The following SIPA1L2 variants were observed in gnomAD, a reference collection of about 807,000 sequenced individuals.
SIPA1L2 encodes signal-induced proliferation-associated 1-like protein 2.
Under a neutral mutation model 163.9 loss-of-function variants are expected in SIPA1L2, and 56 were observed. The observed-to-expected ratio is 0.34, with a 90% CI of 0.28 to 0.43. SIPA1L2 has a LOEUF of 0.43. Among genes scored for constraint, SIPA1L2 ranks in the 20% least tolerant of loss-of-function variants. The pLI is 1.00. For synonymous variants in SIPA1L2, 877 were observed against 865.7 expected (o/e 1.01, Z -0.23); for missense variants, 1,974 against 2,193.5 (o/e 0.90, Z 2.00).
chr1:232,536,695 C>T (rs1339266469), intron 2 of SIPA1L2, among the ~76,000 whole-genome samples: 1 of 152,098 alleles, frequency 6.6e-6, no homozygotes, highest in African/African-American at 2.4e-5. Flanking sequence ...GTCTAATAAG[C>T]TCCTTCTTTT....
rs1258248216 is a variant in SIPA1L2, at chr1:232,465,939, G to T, written c.2244-523C>A. Among the ~76,000 whole-genome samples the T allele has an allele frequency of 2.0e-5, 3 of 151,754 alleles. No homozygotes were observed. The highest frequency in any genetic ancestry group is 6.6e-5 in the Admixed American group (1 of 15,238). Reference sequence around the variant, plus strand: ...GGCCATCCATAAGCCAAGGGGAGAGGTCTCAGGAGAAACCAATCCTTGCTG... The same window carrying T: ...GGCCATCCATAAGCCAAGGGGAGAGTTCTCAGGAGAAACCAATCCTTGCTG... On this transcript the variant is annotated intron_variant, in intron 8 of 22. Coordinates refer to ENST00000674635, the MANE Select transcript of SIPA1L2 (RefSeq NM_020808.5). The surrounding 1 kb of genome is among the most constrained non-coding windows in gnomAD (Gnocchi z 4.1).
In SIPA1L2 at chr1:232,461,056, G is replaced by T. The variant is rs200779579; in HGVS notation, c.2926C>A (p.Pro976Thr). 6.2e-7 allele frequency: 1 copy of T among 1,614,282 alleles called. No individual in the cohort carries two copies. The highest frequency in any genetic ancestry group is 1.7e-5 in the Admixed American group (1 of 60,036). Reference protein sequence around the residue: ...NFEGIVADVEPFGFAWKAGLR... With the variant: ...NFEGIVADVETFGFAWKAGLR... ...CCAGCCTTCCAGGCAAAGCCAAAAG[G>T]TTCCACATCTGCGACAATTCCTTCA... Residue 976 changes from proline to threonine, a missense_variant, in exon 10 of 23, where the codon CCT becomes ACT. Coordinates refer to ENST00000674635, the MANE Select transcript of SIPA1L2 (RefSeq NM_020808.5).
intron 3 of SIPA1L2, among the ~76,000 whole-genome samples, chr1:232,512,481 C>G (rs1287701184): frequency 6.6e-6 from 1 of 152,106 alleles, no homozygotes; most frequent in Non-Finnish European, 1.5e-5. Flanking sequence ...CAATGCCCAT[C>G]AATGATAGAC....
chr1:232,469,938 T>TACC (rs949102552), intron 8 of SIPA1L2, among the ~76,000 whole-genome samples: 26 of 152,122 alleles, frequency 1.7e-4, no homozygotes, highest in Middle Eastern at 6.8e-3. Context: ...GCTAATGAAT[T>TACC]ACCTCATGAT....
At chr1:232,412,627 C>T (rs1398216398) in intron 19 of SIPA1L2, among the ~76,000 whole-genome samples, 1 of 152,102 alleles carries the variant, frequency 6.6e-6, no homozygotes, top group Non-Finnish European at 1.5e-5. Context: ...ATGCAACTCA[C>T]GAGACAGGGG....
At chr1:232,528,397 G>A (rs1341796167) in intron 2 of SIPA1L2, among the ~76,000 whole-genome samples, 2 of 151,932 alleles carry the variant, frequency 1.3e-5, no homozygotes, top group South Asian at 2.1e-4. Flanking sequence ...TTCTACTGTC[G>A]CAGGTTCTCA....
At chr1:232,550,135 T>A (rs1406807708) in intron 2 of SIPA1L2, among the ~76,000 whole-genome samples, 2 of 152,356 alleles carry the variant, frequency 1.3e-5, no homozygotes, top group Non-Finnish European at 2.9e-5. Context: ...GAAATACTTA[T>A]TAACAATGCT....
chr1:232,420,834 C>CAA (rs142144068), intron 18 of SIPA1L2, among the ~76,000 whole-genome samples: 3 of 150,860 alleles, frequency 2.0e-5, no homozygotes, highest in African/African-American at 7.3e-5. Context: ...GACTCCGTCT[C>CAA]AAAAAAAAAG....
At chr1:232,478,974 C>A (rs1665181741) in intron 7 of SIPA1L2, among the ~76,000 whole-genome samples, 1 of 152,172 alleles carries the variant, frequency 6.6e-6, no homozygotes. Context: ...GTAGACAAAG[C>A]ATTTCAACTA....
intron 15 of SIPA1L2, among the ~76,000 whole-genome samples, chr1:232,433,832 C>T (rs1662393574): frequency 6.6e-6 from 1 of 152,206 alleles, no homozygotes; most frequent in Admixed American, 6.5e-5. Flanking sequence ...CACGTGAGTG[C>T]AATGCGAGGA....
intron 1 of SIPA1L2, among the ~76,000 whole-genome samples, chr1:232,620,897 T>C (rs1363258400): frequency 6.6e-6 from 1 of 152,250 alleles, no homozygotes; most frequent in East Asian, 1.9e-4. Flanking sequence ...TTATTTTCTT[T>C]GTTGTAAGCA....
rs1342646675 is a variant in SIPA1L2, at chr1:232,554,600, C to T, written c.-270+19574G>A. Among the ~76,000 whole-genome samples the T allele has an allele frequency of 2.6e-5, 4 of 152,264 alleles. No homozygotes were observed. In the East Asian group the frequency reaches 5.8e-4, roughly 22 times the overall value. ...ACTGGTGTCACGAAGAATGAAACGA[C>T]GACTTATTTTAACTAGAGAGCAATA... On this transcript the variant is annotated intron_variant, in intron 2 of 22. Coordinates refer to ENST00000674635, the MANE Select transcript of SIPA1L2 (RefSeq NM_020808.5).
rs116585138 is a variant in SIPA1L2 at position 232,465,248 on chromosome 1, C to T, written c.2412G>A (p.Thr804=). The T allele has an allele frequency of 2.2e-3, 3,601 of 1,614,138 alleles. 69 individuals are homozygous for T. The African/African-American group carries it at 0.037, about 16-fold the overall frequency. The part of the protein sequence containing the change: ...SEKFRAMATR[T]RQEYLKDLAE... ...CCAGATCTTTCAAGTACTCCTGCCT[C>T]GTTCGAGTGGCCATTGCTCGAAACT... is the stretch of plus-strand genomic sequence containing the variant. Residue 804 remains threonine, a synonymous_variant, in exon 9 of 23, where the codon ACG becomes ACA. Transcript: ENST00000674635. The surrounding 1 kb of genome is among the most constrained non-coding windows in gnomAD (Gnocchi z 4.1).
intron 7 of SIPA1L2, among the ~76,000 whole-genome samples, chr1:232,478,440 G>A (rs1326985936): frequency 6.6e-6 from 1 of 152,144 alleles, no homozygotes; most frequent in East Asian, 1.9e-4. Flanking sequence ...AACTAGTGAT[G>A]GGAGAAGGGG....
intron 2 of SIPA1L2, among the ~76,000 whole-genome samples, chr1:232,541,277 ATAACATAACAT>A (rs1657656795): frequency 6.6e-6 from 1 of 150,682 alleles, no homozygotes; most frequent in East Asian, 1.9e-4. Flanking sequence ...ATAACATAAC[ATAACATAACAT>A]AACATAACAT....
At chr1:232,421,349 C>A (rs1661566261) in intron 18 of SIPA1L2, among the ~76,000 whole-genome samples, 1 of 152,160 alleles carries the variant, frequency 6.6e-6, no homozygotes, top group Non-Finnish European at 1.5e-5. Context: ...TGTGGCTTCC[C>A]GTCTGTTTAC....
At chr1:232,572,722 C>CATATATAT (rs1558277366) in intron 2 of SIPA1L2, among the ~76,000 whole-genome samples, 1 of 88,392 alleles carries the variant, frequency 1.1e-5, no homozygotes, top group African/African-American at 4.0e-5. Context: ...TATATACACA[C>CATATATAT]ATATATACAT....
At chr1:232,591,740 A>G (rs1379275024) in intron 1 of SIPA1L2, among the ~76,000 whole-genome samples, 2 of 152,216 alleles carry the variant, frequency 1.3e-5, no homozygotes, top group African/African-American at 4.8e-5. Context: ...GAGAGAGGAA[A>G]ATGCTTCCGA....
chr1:232,455,563 C>T (rs1663847432), intron 10 of SIPA1L2, among the ~76,000 whole-genome samples: 1 of 151,992 alleles, frequency 6.6e-6, no homozygotes, highest in Non-Finnish European at 1.5e-5. Flanking sequence ...TGCCTGTAGG[C>T]CCAGCTACTC....
Sources: allele counts gnomAD v4.1 joint callset (sites outside exome capture counted in the v4.1 genomes callset), GRCh38; gene constraint gnomAD v4.1.1; non-coding constraint Gnocchi (gnomAD v3.1); transcripts MANE v1.5; gene names NCBI Gene and HGNC (gene_info 2026-07-23, HGNC 2026-07-21).